TUBA3C: variants seen among roughly 807,000 people sequenced by gnomAD.
TUBA3C encodes the protein tubulin alpha-3C chain.
In TUBA3C, 23 loss-of-function variants were observed where a neutral mutation model predicts 33.4. The ratio of observed to expected loss-of-function variants is 0.69; its 90% CI spans 0.50 to 0.98. The LOEUF is 0.98. Among genes scored for constraint, TUBA3C ranks in the 50% least tolerant of loss-of-function variants. TUBA3C has a pLI of 0.00. For synonymous variants in TUBA3C, 269 were observed against 250.4 expected, an observed-to-expected ratio of 1.07 and a Z score of -0.70; for missense variants, 402 against 616.0, an observed-to-expected ratio of 0.65 and a Z score of 3.68.
chr13:19,178,273 G>C lies in TUBA3C; in HGVS notation c.348C>G (p.Asp116Glu). ...GTTTGCGGATCCGGTCCAGGACCAG[G>C]TCGACGATCTCCTTGCCGATGGTGT... is the stretch of plus-strand genomic sequence containing the variant. Reference protein sequence around the residue: ...GHYTIGKEIVDLVLDRIRKLA... With the variant: ...GHYTIGKEIVELVLDRIRKLA... The change falls in exon 3 of 5, where the codon GAC becomes GAG. Residue 116 changes from aspartate to glutamate, a missense_variant. Asp to Glu is a conservative substitution (Grantham distance 45). Transcript: ENST00000400113. 3 of 1,614,168 alleles carry C rather than the reference G, an allele frequency of 1.9e-6. No individual in the cohort carries two copies. The highest frequency in any genetic ancestry group is 2.2e-5 in the South Asian group (2 of 91,072).
In TUBA3C at chr13:19,179,423, G is replaced by A. The variant is rs1261715198; in HGVS notation, c.144C>T (p.Ser48=). The change falls in exon 2 of 5, where the codon TCC becomes TCT. Residue 48 remains serine, a synonymous_variant. Coordinates refer to ENST00000400113, the MANE Select transcript of TUBA3C (RefSeq NM_006001.3). ...SDKTIGGGDD[S]FNTFFSETGA... ...CAGTCTCACTGAAGAACGTGTTGAAGGAGTCGTCCCCACCACCAATGGTTT... is the reference window on the plus strand; with the variant it reads ...CAGTCTCACTGAAGAACGTGTTGAAAGAGTCGTCCCCACCACCAATGGTTT... The A allele has an allele frequency of 1.1e-5, 17 of 1,614,032 alleles. No homozygotes were observed. The highest frequency in any genetic ancestry group is 1.4e-5 in the Non-Finnish European group (17 of 1,179,932).
In TUBA3C at chr13:19,177,589, G is replaced by A; in HGVS notation, c.394C>T (p.Leu132=). The A allele has an allele frequency of 2.5e-6, 4 of 1,600,070 alleles. No individual in the cohort carries two copies. Among genetic ancestry groups the A allele is most frequent in the Middle Eastern group, 1.7e-4 (1 of 5,976 alleles). ...IRKLADLCTG[L]QGFLIFHSFG... is the part of the protein sequence containing the mutation. ...CTGTGGAAGATGAGGAAGCCCTGCA[G>A]TCCCGTGCACAGATCCGCCTGAGGG... Residue 132 remains leucine (L), a synonymous_variant, in exon 4 of 5, where the codon CTG becomes TTG. Coordinates refer to ENST00000400113, the MANE Select transcript of TUBA3C (RefSeq NM_006001.3). This position sits in a 1 kb window ranked among gnomAD's most constrained non-coding sequence, Gnocchi z 5.0.
chr13:19,174,225 T>C (rs1869106233), intron 4 of TUBA3C, 66 bp from the exon 5 acceptor site: 1 of 1,535,224 alleles, frequency 6.5e-7, no homozygotes, highest in African/African-American at 1.4e-5. Context: ...TGGCTGCTTT[T>C]CCTCAAAAAG....
At chr13:19,178,020 T>C (rs967999520) in intron 3 of TUBA3C, among the ~76,000 whole-genome samples, 3 of 152,274 alleles carry the variant, frequency 2.0e-5, no homozygotes, top group East Asian at 3.9e-4. Context: ...CTAATGTGTG[T>C]ATTTTTAGTA....
rs55746544 is a variant in TUBA3C, at chr13:19,176,725, C to CAAAAAAAAAAAAAAAAAAAAAAAAAA, written c.1056+176_1056+201dup. ...TGGGCGACAAAGCTAGACTCTGCCT[C>CAAAAAAAAAAAAAAAAAAAAAAAAAA]AAAAAAAAAAAAAAAAAAAAAAAAA... is the stretch of plus-strand genomic sequence containing the variant. On this transcript the variant is annotated intron_variant, in intron 4 of 4. Transcript: ENST00000400113. 2.0e-4 allele frequency among the ~76,000 whole-genome samples: 7 copies of CAAAAAAAAAAAAAAAAAAAAAAAAAA among 34,584 alleles called. 2 individuals are homozygous for CAAAAAAAAAAAAAAAAAAAAAAAAAA. Among genetic ancestry groups the CAAAAAAAAAAAAAAAAAAAAAAAAAA allele is most frequent in the Non-Finnish European group, 3.1e-4 (5 of 16,102 alleles). The allele number at this position is 34,584 out of a possible 152,430, so 22.7% of individuals were successfully genotyped here. A position where few individuals can be genotyped will look rare whatever the true frequency, so the allele number is the denominator to read the frequency against.
At chr13:19,181,502 C>G (rs1869416463) in intron 1 of TUBA3C, among the ~76,000 whole-genome samples, 1 of 152,186 alleles carries the variant, frequency 6.6e-6, no homozygotes, top group Non-Finnish European at 1.5e-5. Context: ...TCAATGCTCC[C>G]CGTCCACTGA....
intron 1 of TUBA3C, 107 bp from the exon 2 acceptor site, chr13:19,179,670 G>A: frequency 7.3e-7 from 1 of 1,377,872 alleles, no homozygotes; most frequent in Non-Finnish European, 9.7e-7. Context: ...TCAGTATCTG[G>A]TGCTTTCACA....
rs139914455 is a variant in TUBA3C, at chr13:19,177,225, G to A, written c.758C>T (p.Thr253Met). The A allele has an allele frequency of 1.8e-5, 29 of 1,614,004 alleles. No individual in the cohort carries two copies. Among genetic ancestry groups the A allele is most frequent in the South Asian group, 7.7e-5 (7 of 91,078 alleles). The change falls in exon 4 of 5, where the codon ACG becomes ATG. Residue 253 changes from threonine (T) to methionine (M), a missense_variant. Physicochemically the swap from Thr to Met is moderately conservative, Grantham distance 81 (BLOSUM62 -1). Transcript: ENST00000400113. This position sits in a 1 kb window ranked among gnomAD's most constrained non-coding sequence, Gnocchi z 5.0. The part of the protein sequence containing the change: ...RFDGALNVDL[T>M]EFQTNLVPYP... Reference sequence around the variant, plus strand: ...CGGCACTAGGTTGGTCTGGAATTCCGTCAAGTCCACATTCAGGGCCCCGTC... The same window carrying A: ...CGGCACTAGGTTGGTCTGGAATTCCATCAAGTCCACATTCAGGGCCCCGTC...
rs147699887 is a variant in TUBA3C, at chr13:19,177,439, C to A, written c.544G>T (p.Val182Leu). 1.2e-6 allele frequency: 2 copies of A among 1,614,106 alleles called. No individual in the cohort carries two copies. Among genetic ancestry groups the A allele is most frequent in the Non-Finnish European group, 1.7e-6 (2 of 1,180,028 alleles). Reference protein sequence around the residue: ...YPAPQVSTAVVEPYNSILTTH... With the variant: ...YPAPQVSTAVLEPYNSILTTH... ...GTCAGGATGGAGTTGTAGGGCTCCA[C>A]CACGGCCGTGGAGACCTGGGGGGCT... The change falls in exon 4 of 5, where the codon GTG becomes TTG. Residue 182 changes from valine to leucine, a missense_variant. By Grantham distance (32) the Val-to-Leu change is conservative. Coordinates refer to ENST00000400113, the MANE Select transcript of TUBA3C (RefSeq NM_006001.3). This position sits in a 1 kb window ranked among gnomAD's most constrained non-coding sequence, Gnocchi z 5.0.
In TUBA3C at chr13:19,174,066, T is replaced by C. The variant is rs761193612; in HGVS notation, c.1150A>G (p.Ile384Val). ...TCCAGGCGAGCCCAGGCCTCCGCGA[T>C]GGCCGTGGTGTTGCTCAGCATGCAC... is the stretch of plus-strand genomic sequence containing the variant. ...AVCMLSNTTAIAEAWARLDHK... is the reference protein window; with the variant it reads ...AVCMLSNTTAVAEAWARLDHK... Residue 384 changes from isoleucine to valine, a missense_variant, in exon 5 of 5, where the codon ATC (isoleucine) becomes GTC (valine). Transcript: ENST00000400113. 16 of 1,613,968 alleles carry C rather than the reference T, an allele frequency of 9.9e-6. No individual in the cohort carries two copies. The highest frequency in any genetic ancestry group is 1.1e-5 in the South Asian group (1 of 91,080).
chr13:19,176,828 G>A lies in TUBA3C; in HGVS notation c.1056+99C>T, dbSNP rs1869202259. 7 of 1,414,850 alleles carry A rather than the reference G, an allele frequency of 4.9e-6. No homozygotes were observed. The East Asian group carries it at 1.6e-4, about 32-fold the overall frequency. The allele number at this position is 1,414,850 out of a possible 1,614,324, so 87.6% of individuals were successfully genotyped here. On this transcript the variant is annotated intron_variant, in intron 4 of 4. Coordinates refer to ENST00000400113, the MANE Select transcript of TUBA3C (RefSeq NM_006001.3). ...CCACATGCCTAGCCCATGGAATAGG[G>A]GTAGTATCCTCAAAGGATGTGGGCC...
At chr13:19,175,252 AAAAAC>A (rs201292761) in intron 4 of TUBA3C, among the ~76,000 whole-genome samples, 6,291 of 152,182 alleles carry the variant, frequency 0.041, 159 homozygotes, top group Middle Eastern at 0.068. Context: ...ACTCCGTCTC[AAAAAC>A]AAAACAAAAC....
chr13:19,181,616 G>T, intron 1 of TUBA3C, 129 bp downstream of exon 1: 1 of 1,346,798 alleles, frequency 7.4e-7, no homozygotes, highest in Non-Finnish European at 1.0e-6. Flanking sequence ...CCTGGGCCCC[G>T]CATCCTTCTC....
At chr13:19,179,701 T>TCAGTCACCTAACCCTCC in intron 1 of TUBA3C, 138 bp from the exon 2 acceptor site, 4 of 1,278,936 alleles carry the variant, frequency 3.1e-6, no homozygotes, top group Non-Finnish European at 4.2e-6. Context: ...CCTAGGAGGG[T>TCAGTCACCTAACCCTCC]TAGGTGACTG....
At chr13:19,174,814 T>G (rs541855541) in intron 4 of TUBA3C, among the ~76,000 whole-genome samples, 1 of 152,090 alleles carries the variant, frequency 6.6e-6, no homozygotes, top group Non-Finnish European at 1.5e-5. Flanking sequence ...ACAAAAAAAT[T>G]AGCTGGGCAT....
rs770104211 is a variant in TUBA3C, at chr13:19,181,739, C to A, written c.3+6G>T. On this transcript the variant is annotated splice_donor_region_variant and intron_variant, in intron 1 of 4. Transcript: ENST00000400113. ...CGTCTGCGGGGTGGGAGTGACCTGG[C>A]CTTACCATGTTGAGCTCCTCCGCTG... The A allele has an allele frequency of 1.2e-6, 2 of 1,602,390 alleles. No individual in the cohort carries two copies. The highest frequency in any genetic ancestry group is 1.6e-4 in the Middle Eastern group (1 of 6,062).
chr13:19,178,008 G>A (rs974913595), intron 3 of TUBA3C, among the ~76,000 whole-genome samples: 2 of 152,104 alleles, frequency 1.3e-5, no homozygotes, highest in Admixed American at 6.6e-5. Context: ...CACCACGCCT[G>A]ACTAATGTGT....
intron 3 of TUBA3C, 94 bp downstream of exon 3, chr13:19,178,152 C>T: frequency 1.9e-6 from 3 of 1,546,862 alleles, no homozygotes; most frequent in Non-Finnish European, 2.6e-6. Context: ...AGCCAACGCA[C>T]TGGTCTAGGT....
Position 19,174,023 on chromosome 13 carries a change from A to G in TUBA3C, c.1193T>C (p.Met398Thr), listed in dbSNP as rs144088651. ...GTGCACAAAGGCCCGCTTGGCATAC[A>G]TGAGATCGAACTTATGGTCCAGGCG... ...WARLDHKFDLMYAKRAFVHWY... is the reference protein window; with the variant it reads ...WARLDHKFDLTYAKRAFVHWY... Residue 398 changes from methionine to threonine, a missense_variant, in exon 5 of 5, where the codon ATG becomes ACG. By Grantham distance (81) the Met-to-Thr change is moderately conservative. Transcript: ENST00000400113. The G allele has an allele frequency of 4.3e-6, 7 of 1,613,878 alleles. No individual in the cohort carries two copies. The highest frequency in any genetic ancestry group is 4.5e-5 in the East Asian group (2 of 44,760).
Sources: allele counts gnomAD v4.1 joint callset (sites outside exome capture counted in the v4.1 genomes callset), GRCh38; gene constraint gnomAD v4.1.1; non-coding constraint Gnocchi (gnomAD v3.1); transcripts MANE v1.5; gene names NCBI Gene and HGNC (gene_info 2026-07-23, HGNC 2026-07-21).